SEM1: variants seen among roughly 807,000 people sequenced by gnomAD.
SEM1 encodes 26S proteasome complex subunit SEM1.
In SEM1, 3 loss-of-function variants were observed where a neutral mutation model predicts 12.7. That is an observed-to-expected ratio of 0.24 (90% CI 0.11 to 0.61). The LOEUF (loss-of-function observed/expected upper bound fraction) is 0.61, where lower values mean the gene tolerates loss of function less well. Among genes scored for constraint, SEM1 ranks in the 20% least tolerant of loss-of-function variants. The probability of loss-of-function intolerance (pLI) is 0.88; values close to 1 mark genes in which losing one functional copy is unlikely to be tolerated. For synonymous variants in SEM1, 30 were observed against 27.8 expected (o/e 1.08, Z -0.25); for missense variants, 59 against 81.3 (o/e 0.73, Z 1.06).
chr7:96,491,841 A>G (rs963482213), intron 1 of SEM1, among the ~76,000 whole-genome samples: 1 of 152,212 alleles, frequency 6.6e-6, no homozygotes, highest in African/African-American at 2.4e-5. Flanking sequence ...AAGAAAACTA[A>G]TATTTGTGGA....
At chr7:96,677,005 T>G (rs1213599863) in intron 2 of SEM1, among the ~76,000 whole-genome samples, 1 of 152,220 alleles carries the variant, frequency 6.6e-6, no homozygotes, top group Non-Finnish European at 1.5e-5. Context: ...CAGGCTTTAA[T>G]CCTGCTAAGA....
intron 2 of SEM1, among the ~76,000 whole-genome samples, chr7:96,547,919 C>A (rs546326711): frequency 6.6e-6 from 1 of 152,120 alleles, no homozygotes; most frequent in South Asian, 2.1e-4. Flanking sequence ...GGTGACCAGG[C>A]CATTTGTACC....
intron 1 of SEM1, chr7:96,706,231 A>T (rs1031875287): frequency 6.6e-6 from 1 of 152,076 alleles, no homozygotes; most frequent in African/African-American, 2.4e-5. Context: ...ACCTTCAGAG[A>T]CTCCTTCCAG....
chr7:96,557,453 T>A (rs1283022071), intron 2 of SEM1, among the ~76,000 whole-genome samples: 234 of 112,882 alleles, frequency 2.1e-3, no homozygotes, highest in African/African-American at 6.2e-3. Flanking sequence ...CCCTGCCGTG[T>A]GAGGTGTCAG....
intron 2 of SEM1, among the ~76,000 whole-genome samples, chr7:96,625,995 C>T (rs1808049411): frequency 1.3e-5 from 2 of 152,120 alleles, no homozygotes; most frequent in African/African-American, 4.8e-5. Context: ...TCCCCTCAAG[C>T]ATTTATCCTT....
At chr7:96,596,731 G>T (rs1273304243) in intron 2 of SEM1, among the ~76,000 whole-genome samples, 1 of 152,082 alleles carries the variant, frequency 6.6e-6, no homozygotes, top group Non-Finnish European at 1.5e-5. Flanking sequence ...TTTAGATTAA[G>T]TTTCACTGGA....
intron 2 of SEM1, among the ~76,000 whole-genome samples, chr7:96,659,777 A>G (rs1463471295): frequency 6.6e-6 from 1 of 152,104 alleles, no homozygotes; most frequent in East Asian, 1.9e-4. Context: ...CAGAAATGAA[A>G]TGAATACTTA....
At chr7:96,670,294 T>C (rs1392640150), downstream of SEM1, among the ~76,000 whole-genome samples, 4 of 152,208 alleles carry the variant, frequency 2.6e-5, no homozygotes, top group South Asian at 2.1e-4. Context: ...TGGAGTTACA[T>C]GAGCAAATGG....
At chr7:96,590,027 A>G (rs1806778827) in intron 2 of SEM1, among the ~76,000 whole-genome samples, 1 of 152,188 alleles carries the variant, frequency 6.6e-6, no homozygotes, top group Admixed American at 6.5e-5. Flanking sequence ...TGAAACCCCC[A>G]TTCAGGCTAA....
rs1313224792 is a variant in SEM1, at chr7:96,640,319, A to C, written c.171-17676T>G. Reference sequence around the variant, plus strand: ...CATAATTTTGCAAATATTTGGAAACAGCTAAGACATCCTTCCGTAGATGAA... The same window carrying C: ...CATAATTTTGCAAATATTTGGAAACCGCTAAGACATCCTTCCGTAGATGAA... On this transcript the variant is annotated intron_variant, in intron 2 of 2. Coordinates refer to the SEM1 transcript ENST00000417009. This position sits in a 1 kb window ranked among gnomAD's most constrained non-coding sequence, Gnocchi z 4.0. Among the ~76,000 whole-genome samples, 1 of 152,050 alleles carries C rather than the reference A, an allele frequency of 6.6e-6. No homozygotes were observed. Among genetic ancestry groups the C allele is most frequent in the Non-Finnish European group, 1.5e-5 (1 of 67,956 alleles).
intron 2 of SEM1, among the ~76,000 whole-genome samples, chr7:96,516,771 T>C (rs1305862870): frequency 6.6e-6 from 1 of 152,174 alleles, no homozygotes; most frequent in Non-Finnish European, 1.5e-5. Context: ...AACATGCACA[T>C]ACATGTTTAT....
intron 2 of SEM1, among the ~76,000 whole-genome samples, chr7:96,677,508 CACAAG>C (rs1323044481): frequency 1.3e-5 from 2 of 152,070 alleles, no homozygotes; most frequent in African/African-American, 4.8e-5. Context: ...TTGCAAGCAA[CACAAG>C]ACAACTTTGA....
chr7:96,601,190 A>C (rs930005035), intron 2 of SEM1, among the ~76,000 whole-genome samples: 2 of 152,250 alleles, frequency 1.3e-5, no homozygotes, highest in Non-Finnish European at 2.9e-5. Context: ...GGCATGTGCC[A>C]GGTACTGTTT....
At chr7:96,613,283 G>T (rs1288286697) in intron 2 of SEM1, among the ~76,000 whole-genome samples, 1 of 152,084 alleles carries the variant, frequency 6.6e-6, no homozygotes, top group Non-Finnish European at 1.5e-5. Flanking sequence ...TAATATTCTT[G>T]ATCTATAAAT....
At chr7:96,685,218 G>C (rs1789726204), downstream of SEM1, among the ~76,000 whole-genome samples, 2 of 152,060 alleles carry the variant, frequency 1.3e-5, no homozygotes, top group African/African-American at 2.4e-5. Flanking sequence ...ACTTTTAGTG[G>C]GAATAGGATG....
upstream of SEM1, among the ~76,000 whole-genome samples, chr7:96,501,053 G>A (rs1168587509): frequency 6.6e-6 from 1 of 150,808 alleles, no homozygotes. Context: ...CTCCTGCCAT[G>A]AGATCAGACT....
At chr7:96,562,722 A>G (rs1475140453) in intron 2 of SEM1, among the ~76,000 whole-genome samples, 2 of 152,196 alleles carry the variant, frequency 1.3e-5, no homozygotes, top group African/African-American at 4.8e-5. Context: ...GGTAAGTTTC[A>G]GGAGGCCACT....
downstream of SEM1, chr7:96,672,495 G>A (rs1789344354): frequency 6.6e-6 from 1 of 152,122 alleles, no homozygotes; most frequent in Non-Finnish European, 1.5e-5. Context: ...CCTGGATGGT[G>A]TCTCTATGAC....
At chr7:96,685,823 T>C (rs547967064), downstream of SEM1, among the ~76,000 whole-genome samples, 2 of 151,780 alleles carry the variant, frequency 1.3e-5, no homozygotes, top group East Asian at 1.9e-4. Context: ...ACCACCACTA[T>C]ATTATCACAT....
Sources: gnomAD v4.1 joint callset for allele counts (sites outside exome capture counted in the v4.1 genomes callset) on GRCh38, gnomAD v4.1.1 for gene constraint, Gnocchi (gnomAD v3.1) non-coding constraint, MANE v1.5 for transcripts, NCBI Gene and HGNC (gene_info 2026-07-23, HGNC 2026-07-21) for gene names.